TANC2: variants seen among roughly 807,000 people sequenced by gnomAD.
TANC2 encodes tetratricopeptide repeat, ankyrin repeat and coiled-coil containing 2.
A neutral mutation model predicts 210.5 loss-of-function variants in TANC2; 26 were observed. The observed-to-expected ratio is 0.12, with a 90% CI of 0.09 to 0.17. The LOEUF (loss-of-function observed/expected upper bound fraction) is 0.17, where lower values mean the gene tolerates loss of function less well. Among genes scored for constraint, TANC2 ranks in the 10% least tolerant of loss-of-function variants. TANC2 has a pLI of 1.00. For missense variants in TANC2, 2,129 were observed against 2,608.9 expected (o/e 0.82, Z 4.01); for synonymous variants, 931 against 967.1 (o/e 0.96, Z 0.69).
chr17:63,396,172 A>G, intron 18 of TANC2: 3 of 432,172 alleles, frequency 6.9e-6, no homozygotes, highest in African/African-American at 2.0e-5. Context: ...ATTATTCTCC[A>G]TGTTTTCCTC....
intron 2 of TANC2, among the ~76,000 whole-genome samples, chr17:63,024,539 G>GATC (rs2144048715): frequency 6.6e-6 from 1 of 152,190 alleles, no homozygotes; most frequent in Non-Finnish European, 1.5e-5. Context: ...ATCTTGTGCT[G>GATC]ATCTCCTATC....
At chr17:63,326,104 A>C (rs1364421373) in intron 11 of TANC2, among the ~76,000 whole-genome samples, 1 of 152,218 alleles carries the variant, frequency 6.6e-6, no homozygotes, top group Non-Finnish European at 1.5e-5. Context: ...AGCTACAGCT[A>C]ATTAAACAAC....
At chr17:63,039,586 G>A (rs952637767) in intron 2 of TANC2, among the ~76,000 whole-genome samples, 11 of 152,156 alleles carry the variant, frequency 7.2e-5, no homozygotes, top group African/African-American at 2.4e-4. Flanking sequence ...TTTCTCCACT[G>A]TCCAGAAGAC....
chr17:63,402,114 T>C (rs1016092187), intron 19 of TANC2, among the ~76,000 whole-genome samples: 2 of 152,224 alleles, frequency 1.3e-5, no homozygotes, highest in Non-Finnish European at 2.9e-5. Context: ...TCCAGTCTCA[T>C]ATATTGCCTG....
intron 11 of TANC2, chr17:63,320,259 T>C (rs2045452086): frequency 6.6e-6 from 1 of 152,208 alleles, no homozygotes; most frequent in Non-Finnish European, 1.5e-5. Flanking sequence ...TTAATGTAGT[T>C]TTGTAAAATT....
chr17:63,186,013 C>G (rs1214528029), intron 5 of TANC2, among the ~76,000 whole-genome samples: 1 of 152,148 alleles, frequency 6.6e-6, no homozygotes, highest in Non-Finnish European at 1.5e-5. Context: ...TAAAGTTACA[C>G]TAAAAGGTCG....
At chr17:63,114,958 A>G (rs1365597124) in intron 4 of TANC2, among the ~76,000 whole-genome samples, 1 of 152,234 alleles carries the variant, frequency 6.6e-6, no homozygotes, top group African/African-American at 2.4e-5. Flanking sequence ...GCTCCTACAC[A>G]GCATAAGCAA....
chr17:63,093,302 A>G (rs976173313), intron 3 of TANC2, among the ~76,000 whole-genome samples: 1 of 151,906 alleles, frequency 6.6e-6, no homozygotes, highest in African/African-American at 2.4e-5. Context: ...TCATGAGTAG[A>G]GGTATGCTTC....
intron 4 of TANC2, among the ~76,000 whole-genome samples, chr17:63,138,533 G>T (rs2039173499): frequency 6.6e-6 from 1 of 152,026 alleles, no homozygotes; most frequent in Admixed American, 6.6e-5. Context: ...TGTTGGAAGG[G>T]CTACTTTAGG....
chr17:63,241,219 G>T (rs2042764973), intron 8 of TANC2, among the ~76,000 whole-genome samples: 1 of 152,146 alleles, frequency 6.6e-6, no homozygotes, highest in African/African-American at 2.4e-5. Flanking sequence ...TTACAAAACA[G>T]TTTTGGACTT....
At position 63,413,675 on chromosome 17, in the gene TANC2, T is replaced by C. The variant is rs746428032; in HGVS notation, c.4020+41T>C. 4 of 1,514,830 alleles carry C rather than the reference T, an allele frequency of 2.6e-6. No homozygotes were observed. In the East Asian group the frequency reaches 9.6e-5, roughly 36 times the overall value. 93.8% of individuals were successfully genotyped at this position (1,514,830 alleles called of 1,614,324 possible). On this transcript the variant is annotated intron_variant, in intron 25 of 27. Coordinates refer to ENST00000689528, the Ensembl canonical transcript of TANC2. ...GACACAGTTTCTTCAGAACAGCCACTGACTGTTTTCCATGTGTAGAATCTT... is the reference window on the plus strand; with the variant it reads ...GACACAGTTTCTTCAGAACAGCCACCGACTGTTTTCCATGTGTAGAATCTT...
At chr17:63,217,725 C>T (rs1486116460) in intron 7 of TANC2, among the ~76,000 whole-genome samples, 1 of 152,094 alleles carries the variant, frequency 6.6e-6, no homozygotes, top group Non-Finnish European at 1.5e-5. Flanking sequence ...ACTAGGAGGC[C>T]AATATTGTTA....
chr17:63,170,581 C>T (rs1267686317), intron 5 of TANC2, among the ~76,000 whole-genome samples: 1 of 152,162 alleles, frequency 6.6e-6, no homozygotes, highest in Admixed American at 6.5e-5. Context: ...ATTGCACACA[C>T]ATACTAAAGT....
At chr17:63,210,161 C>G (rs1322993901) in intron 7 of TANC2, among the ~76,000 whole-genome samples, 1 of 152,176 alleles carries the variant, frequency 6.6e-6, no homozygotes, top group Non-Finnish European at 1.5e-5. Flanking sequence ...TTGAGCTCAT[C>G]CAAATATAAA....
At chr17:63,093,949 C>G (rs1322813086) in intron 3 of TANC2, among the ~76,000 whole-genome samples, 1 of 152,008 alleles carries the variant, frequency 6.6e-6, no homozygotes, top group Admixed American at 6.6e-5. Context: ...TTACCAGTTT[C>G]TTGTAGTTTT....
chr17:63,024,305 T>C (rs185088704), intron 2 of TANC2, among the ~76,000 whole-genome samples: 107 of 152,324 alleles, frequency 7.0e-4, no homozygotes, highest in African/African-American at 2.5e-3. Flanking sequence ...GGTTATTTCT[T>C]GATTATATGC....
At chr17:63,100,015 T>C (rs2037563147) in intron 4 of TANC2, among the ~76,000 whole-genome samples, 1 of 152,178 alleles carries the variant, frequency 6.6e-6, no homozygotes, top group African/African-American at 2.4e-5. Flanking sequence ...GAAGAATGCT[T>C]ATGTGTGAAA....
intron 19 of TANC2, among the ~76,000 whole-genome samples, chr17:63,403,985 C>T (rs977027342): frequency 1.3e-5 from 2 of 152,138 alleles, no homozygotes; most frequent in Non-Finnish European, 2.9e-5. Flanking sequence ...TCTCTGAATA[C>T]GTTTTAAAGT....
chr17:63,167,358 A>C (rs2040243957), intron 5 of TANC2, among the ~76,000 whole-genome samples: 1 of 152,204 alleles, frequency 6.6e-6, no homozygotes. Context: ...ATGTTCTACA[A>C]GTATAAAATT....
Sources: gnomAD v4.1 joint callset for allele counts (sites outside exome capture counted in the v4.1 genomes callset) on GRCh38, gnomAD v4.1.1 for gene constraint, MANE v1.5 for transcripts, NCBI Gene and HGNC (gene_info 2026-07-23, HGNC 2026-07-21) for gene names.